The following USH2A variants were observed in gnomAD, a reference collection of about 807,000 sequenced individuals.
USH2A encodes Usher syndrome 2A (autosomal recessive, mild).
In USH2A, 443 loss-of-function variants were observed where a neutral mutation model predicts 538.9. The ratio of observed to expected loss-of-function variants is 0.82; its 90% confidence interval spans 0.76 to 0.89. The LOEUF (loss-of-function observed/expected upper bound fraction) is 0.89. Ranked by LOEUF, USH2A falls within the 40% of genes least tolerant of loss-of-function variation. The pLI is 0.00. For missense variants in USH2A, 6,633 were observed against 6,324.8 expected (o/e 1.05, Z -1.65); for synonymous variants, 2,413 against 2,273.5 (o/e 1.06, Z -1.75).
intron 21 of USH2A, among the ~76,000 whole-genome samples, chr1:216,152,946 A>C (rs1572004565): frequency 1.3e-5 from 2 of 152,202 alleles, no homozygotes; most frequent in East Asian, 3.9e-4. Flanking sequence ...AGAATAGCAG[A>C]GCAGTGCCAC....
At chr1:216,044,200 A>G (rs1212721625) in intron 32 of USH2A, among the ~76,000 whole-genome samples, 4 of 152,162 alleles carry the variant, frequency 2.6e-5, no homozygotes, top group African/African-American at 4.8e-5. Flanking sequence ...ATATAAAGGT[A>G]ATCAGTAAGC....
At chr1:216,199,520 T>C (rs940544860) in intron 17 of USH2A, 107 bp downstream of exon 17, 6 of 1,480,100 alleles carry the variant, frequency 4.1e-6, no homozygotes, top group Non-Finnish European at 5.6e-6. Context: ...TATTATATTG[T>C]GCAGTTATAA....
intron 38 of USH2A, among the ~76,000 whole-genome samples, chr1:215,906,751 T>C (rs1206205482): frequency 6.6e-6 from 1 of 152,028 alleles, no homozygotes; most frequent in Non-Finnish European, 1.5e-5. Flanking sequence ...CCAGAATTAG[T>C]CAACATCCAC....
intron 20 of USH2A, among the ~76,000 whole-genome samples, chr1:216,177,182 A>G (rs1450796335): frequency 6.6e-6 from 1 of 152,166 alleles, no homozygotes; most frequent in Non-Finnish European, 1.5e-5. Flanking sequence ...TCCCACTGGC[A>G]ATGAATGAGC....
intron 36 of USH2A, among the ~76,000 whole-genome samples, chr1:215,967,128 G>A (rs1291149129): frequency 5.3e-5 from 8 of 152,124 alleles, no homozygotes; most frequent in Non-Finnish European, 1.0e-4. Context: ...ATATTTGAGA[G>A]CAAATGTGCA....
In USH2A at chr1:215,743,350, A is replaced by AGAGAGAGAAGAGAGAG; in HGVS notation, c.11390-16_11390-15insCTCTCTCTTCTCTCTC. ...GATGAGGATCCCTTTAAAGAGAGAG[A>AGAGAGAGAAGAGAGAG]GAGAGAGAGAACATTAAAAACATAT... On this transcript the variant is annotated splice_polypyrimidine_tract_variant and intron_variant, in intron 58 of 71. Transcript: ENST00000307340. 6.5e-7 allele frequency: 1 copy of AGAGAGAGAAGAGAGAG among 1,550,104 alleles called. No homozygotes were observed. Among genetic ancestry groups the AGAGAGAGAAGAGAGAG allele is most frequent in the Non-Finnish European group, 8.8e-7 (1 of 1,138,274 alleles).
chr1:215,854,893 C>A lies in USH2A; in HGVS notation c.8846-8860G>T, dbSNP rs560514088. On this transcript the variant is annotated intron_variant, in intron 44 of 71. Coordinates refer to ENST00000307340, the MANE Select transcript of USH2A (RefSeq NM_206933.4). ...GAGCCACTATGTTGAACATGCCTTG[C>A]CCCCAGGTAGCCTTTTTCTGTTGGT... Among the ~76,000 whole-genome samples the A allele has an allele frequency of 3.3e-5, 5 of 152,286 alleles. No homozygotes were observed. In the East Asian group the frequency reaches 9.7e-4, roughly 29 times the overall value.
At position 215,759,922 on chromosome 1, in the gene USH2A, G is replaced by A. The variant is rs377748623; in HGVS notation, c.11048-79C>T. ...TCAAAAGTCACACCATCCCCCCCAT[G>A]AACTGTGATATTTTTTCTGTTGATT... On this transcript the variant is annotated intron_variant, in intron 56 of 71. Transcript: ENST00000307340. 1.4e-5 allele frequency: 22 copies of A among 1,533,792 alleles called. 1 individual carries two copies. The African/African-American group carries it at 1.6e-4, about 11-fold the overall frequency.
Position 216,245,122 on chromosome 1 carries a change from G to A in USH2A, c.2809+1463C>T, listed in dbSNP as rs1274625249. Among the ~76,000 whole-genome samples the A allele has an allele frequency of 2.6e-5, 4 of 152,104 alleles. No homozygotes were observed. In the East Asian group the frequency reaches 7.7e-4, roughly 29 times the overall value. On this transcript the variant is annotated intron_variant, in intron 13 of 71. Transcript: ENST00000307340. ...ATTGCAAATTTGAAAGGATTAACCTGAAGGTAAAAAGAGTGAATGTGCTGT... is the reference window on the plus strand; with the variant it reads ...ATTGCAAATTTGAAAGGATTAACCTAAAGGTAAAAAGAGTGAATGTGCTGT...
chr1:215,697,260 G>T (rs1658847651), intron 61 of USH2A, among the ~76,000 whole-genome samples: 1 of 151,752 alleles, frequency 6.6e-6, no homozygotes, highest in Admixed American at 6.6e-5. Context: ...CACCTGGCCT[G>T]CCCCCTATTT....
At chr1:216,315,488 G>A (rs1471920089) in intron 9 of USH2A, among the ~76,000 whole-genome samples, 7 of 152,144 alleles carry the variant, frequency 4.6e-5, no homozygotes, top group East Asian at 3.9e-4. Flanking sequence ...ATAAGAGAAC[G>A]TTTGGGAGAG....
intron 69 of USH2A, among the ~76,000 whole-genome samples, chr1:215,638,805 T>C (rs1430987032): frequency 6.6e-6 from 1 of 151,188 alleles, no homozygotes; most frequent in African/African-American, 2.4e-5. Flanking sequence ...GGTGAAACCA[T>C]GTCTCTACTA....
chr1:216,164,250 A>G (rs112707168), intron 21 of USH2A, among the ~76,000 whole-genome samples: 65 of 152,260 alleles, frequency 4.3e-4, no homozygotes, highest in African/African-American at 1.4e-3. Context: ...TCAAAGCTTG[A>G]AACACAGTTT....
intron 38 of USH2A, among the ~76,000 whole-genome samples, chr1:215,911,570 T>C (rs560916775): frequency 6.6e-6 from 1 of 152,266 alleles, no homozygotes; most frequent in Non-Finnish European, 1.5e-5. Context: ...TACTCCATTG[T>C]ATATATGTAC....
At chr1:215,827,586 C>T (rs1479670234) in intron 47 of USH2A, among the ~76,000 whole-genome samples, 1 of 152,078 alleles carries the variant, frequency 6.6e-6, no homozygotes, top group Non-Finnish European at 1.5e-5. Context: ...AACTCATGGC[C>T]ATCAAATGAG....
In USH2A at chr1:215,640,633, C is replaced by G. The variant is rs149289393; in HGVS notation, c.14893G>C (p.Val4965Leu). ...FLLNGQLKEY[V>L]LTDGGRRVYS... ...ACGCGTCGCCCTCCGTCGGTTAACACGTACTCCTTCAGTTGGCCGTTCAGG... is the reference window on the plus strand; with the variant it reads ...ACGCGTCGCCCTCCGTCGGTTAACAGGTACTCCTTCAGTTGGCCGTTCAGG... Residue 4965 changes from valine (V) to leucine (L), a missense_variant, in exon 68 of 72, where the codon GTG (valine) becomes CTG (leucine). By Grantham distance (32) the Val-to-Leu change is conservative. Coordinates refer to ENST00000307340, the MANE Select transcript of USH2A (RefSeq NM_206933.4). 16 of 1,613,788 alleles carry G rather than the reference C, an allele frequency of 9.9e-6. No individual in the cohort carries two copies. Among genetic ancestry groups the G allele is most frequent in the Non-Finnish European group, 1.3e-5 (15 of 1,179,986 alleles).
chr1:216,211,532 A>G (rs544864346), intron 15 of USH2A, among the ~76,000 whole-genome samples: 2 of 152,352 alleles, frequency 1.3e-5, no homozygotes, highest in South Asian at 4.1e-4. Flanking sequence ...TACTATGAAT[A>G]GGCTTCCTAA....
At chr1:215,697,542 A>G (rs1253431608) in intron 61 of USH2A, among the ~76,000 whole-genome samples, 1 of 151,310 alleles carries the variant, frequency 6.6e-6, no homozygotes, top group Non-Finnish European at 1.5e-5. Flanking sequence ...TTTTGTTGAG[A>G]TGGAGTTTCG....
intron 58 of USH2A, 23 bp downstream of exon 58, chr1:215,758,572 A>G (rs768662377): frequency 1.9e-6 from 3 of 1,604,564 alleles, no homozygotes; most frequent in Non-Finnish European, 2.6e-6. Flanking sequence ...ACACACACAC[A>G]CATACTTCTT....
Sources: gnomAD v4.1 joint callset for allele counts (sites outside exome capture counted in the v4.1 genomes callset) on GRCh38, gnomAD v4.1.1 for gene constraint, MANE v1.5 for transcripts, NCBI Gene and HGNC (gene_info 2026-07-23, HGNC 2026-07-21) for gene names.